Variants in DCUN1D4 observed in about 807,000 individuals in gnomAD.
The protein encoded by DCUN1D4 is DCN1-like protein 4.
Under a neutral mutation model 47.9 loss-of-function variants are expected in DCUN1D4, and 22 were observed. That is an observed-to-expected ratio of 0.46 (90% CI 0.33 to 0.66). The LOEUF (loss-of-function observed/expected upper bound fraction) is 0.66. DCUN1D4 is among the 30% of genes least tolerant of loss of function. The probability of loss-of-function intolerance (pLI) is 0.02; values close to 1 mark genes in which losing one functional copy is unlikely to be tolerated. For synonymous variants in DCUN1D4, 121 were observed against 112.2 expected (o/e 1.08, Z -0.50); for missense variants, 301 against 340.8 (o/e 0.88, Z 0.92).
rs1293077270 is a variant in DCUN1D4, at chr4:51,913,540, T to C, written c.835T>C (p.Leu279=). 8 of 1,612,830 alleles carry C rather than the reference T, an allele frequency of 5.0e-6. No individual in the cohort carries two copies. The Admixed American group carries it at 1.3e-4, about 27-fold the overall frequency. ...YDEDGAWPVL[L]DEFVEWYKDK... ...CTCTTTCTCTCCAGGGCCAGTTTTG[T>C]TGGACGAGTTTGTGGAGTGGTATAA... Residue 279 remains leucine (L), a synonymous_variant, in exon 11 of 11, where the codon TTG becomes CTG. Coordinates refer to ENST00000334635, the MANE Select transcript of DCUN1D4 (RefSeq NM_001040402.3).
chr4:51,905,643 C>T (rs931902637), intron 8 of DCUN1D4, among the ~76,000 whole-genome samples: 114 of 152,062 alleles, frequency 7.5e-4, no homozygotes, highest in Non-Finnish European at 1.8e-4. Flanking sequence ...TTTCATTGAT[C>T]TGAGACTAGT....
intron 3 of DCUN1D4, among the ~76,000 whole-genome samples, chr4:51,871,149 T>C (rs1475989818): frequency 6.9e-6 from 1 of 144,112 alleles, no homozygotes; most frequent in African/African-American, 2.6e-5. Context: ...AAAAAAAAAG[T>C]CATGCCTCTT....
At chr4:51,877,277 A>G (rs1727859088) in intron 4 of DCUN1D4, among the ~76,000 whole-genome samples, 1 of 152,134 alleles carries the variant, frequency 6.6e-6, no homozygotes, top group Non-Finnish European at 1.5e-5. Context: ...AAGCTTGGAC[A>G]TGATTTGATG....
chr4:51,891,574 A>G (rs1438054941), intron 6 of DCUN1D4, among the ~76,000 whole-genome samples, 186 bp from the exon 7 acceptor site: 1 of 152,178 alleles, frequency 6.6e-6, no homozygotes, highest in Admixed American at 6.5e-5. Context: ...TATATTGTCA[A>G]CTTTTTTAGA....
chr4:51,877,795 A>G lies in DCUN1D4; in HGVS notation c.284A>G (p.Lys95Arg), dbSNP rs747091715. 1.4e-5 allele frequency: 22 copies of G among 1,612,014 alleles called. 1 individual carries two copies. In the Middle Eastern group the frequency reaches 2.8e-3, roughly 206 times the overall value. The stretch of plus-strand genomic sequence containing the variant: ...AGAAAATATGATTCGACTAGAATAA[A>G]GACTGAAGAAGAAGCCTTTTCAAGT... ...MYRKYDSTRI[K>R]TEEEAFSSKR... Residue 95 changes from lysine to arginine, a missense_variant, in exon 5 of 11, where the codon AAG becomes AGG. This residue lies in a region of DCUN1D4 where 170 missense variants were observed against 234.5 expected (regional missense o/e 0.73). Transcript: ENST00000334635.
At chr4:51,871,562 G>C (rs536536927) in intron 3 of DCUN1D4, among the ~76,000 whole-genome samples, 1 of 152,290 alleles carries the variant, frequency 6.6e-6, no homozygotes, top group East Asian at 1.9e-4. Context: ...GGAAGGGGAG[G>C]GGTTACTGCT....
intron 7 of DCUN1D4, among the ~76,000 whole-genome samples, chr4:51,897,307 G>A (rs1406190551): frequency 6.6e-6 from 1 of 152,192 alleles, no homozygotes; most frequent in African/African-American, 2.4e-5. Flanking sequence ...GAGATCATAA[G>A]GACTTATTTG....
Position 51,913,676 on chromosome 4 carries a change from T to A in DCUN1D4, c.*92T>A, listed in dbSNP as rs1734030981. 1 of 1,166,324 alleles carries A rather than the reference T, an allele frequency of 8.6e-7. No homozygotes were observed. Among genetic ancestry groups the A allele is most frequent in the South Asian group, 1.3e-5 (1 of 76,622 alleles). The allele number at this position is 1,166,324 out of a possible 1,614,324, so 72.2% of individuals were successfully genotyped here. ...CTGTTTGTATCAAAGCGCATGCTGCTTCTCTTGCACTGTTTCCCTTTCGCA... is the reference window on the plus strand; with the variant it reads ...CTGTTTGTATCAAAGCGCATGCTGCATCTCTTGCACTGTTTCCCTTTCGCA... On this transcript the variant is annotated 3_prime_UTR_variant, in exon 11 of 11. Transcript: ENST00000334635.
At position 51,843,182 on chromosome 4, in the gene DCUN1D4, G is replaced by A. The variant is rs947376098; in HGVS notation, c.-61G>A. 17 of 1,534,462 alleles carry A rather than the reference G, an allele frequency of 1.1e-5. 1 individual carries two copies. In the Admixed American group the frequency reaches 1.4e-4, roughly 13 times the overall value. ...TCGAGCCGAGGTGCAGTGAGCTGGT[G>A]GGGGGACCGCGAGGCGAGCGCGGGA... On this transcript the variant is annotated 5_prime_UTR_variant, in exon 1 of 11. Coordinates refer to ENST00000334635, the MANE Select transcript of DCUN1D4 (RefSeq NM_001040402.3).
At chr4:51,874,425 A>C (rs568440632) in intron 4 of DCUN1D4, 40 bp downstream of exon 4, 17 of 1,448,362 alleles carry the variant, frequency 1.2e-5, no homozygotes, top group Non-Finnish European at 1.6e-5. Context: ...AGTGATACAT[A>C]TGTCGAAGAT....
chr4:51,835,948 C>G, the DCUN1D4 span, among the ~76,000 whole-genome samples: 1 of 152,092 alleles, frequency 6.6e-6, no homozygotes, highest in African/African-American at 2.4e-5. Context: ...AAATACTGGC[C>G]CCCCAAGCCA....
intron 3 of DCUN1D4, among the ~76,000 whole-genome samples, chr4:51,869,193 G>A (rs577889389): frequency 6.8e-6 from 1 of 147,584 alleles, no homozygotes; most frequent in African/African-American, 2.6e-5. Context: ...AAAATGAGTA[G>A]GGATGATGAT....
intron 1 of DCUN1D4, chr4:51,843,727 T>C: frequency 2.6e-6 from 3 of 1,159,430 alleles, no homozygotes; most frequent in Non-Finnish European, 1.1e-6. Flanking sequence ...TGCGGGCGGC[T>C]CCGTGAGAAA....
At chr4:51,842,289 CCGCAGCTCAGAG>C (rs1721730821), upstream of DCUN1D4, among the ~76,000 whole-genome samples, 1 of 152,134 alleles carries the variant, frequency 6.6e-6, no homozygotes, top group Non-Finnish European at 1.5e-5. Context: ...TAGGCTCAGT[CCGCAGCTCAGAG>C]CGCGGCCCTG....
chr4:51,842,882 A>G, upstream of DCUN1D4: 2 of 325,272 alleles, frequency 6.1e-6, no homozygotes, highest in Non-Finnish European at 1.1e-5. Context: ...TCGCCCCTAC[A>G]CGCGCTCTCG....
At chr4:51,838,796 C>T (rs547788932), upstream of DCUN1D4, among the ~76,000 whole-genome samples, 32 of 152,258 alleles carry the variant, frequency 2.1e-4, no homozygotes, top group African/African-American at 6.5e-4. Flanking sequence ...AAGGAACTGG[C>T]CAGGTGCGGT....
intron 1 of DCUN1D4, among the ~76,000 whole-genome samples, chr4:51,847,467 A>G (rs1722724973): frequency 6.6e-6 from 1 of 152,114 alleles, no homozygotes; most frequent in Non-Finnish European, 1.5e-5. Flanking sequence ...AATCCTGGAC[A>G]TTTCTTATCC....
intron 5 of DCUN1D4, among the ~76,000 whole-genome samples, chr4:51,881,852 G>A (rs1467122304): frequency 6.6e-6 from 1 of 152,034 alleles, no homozygotes; most frequent in African/African-American, 2.4e-5. Flanking sequence ...AGATTTAAAT[G>A]TGTGCATGGG....
chr4:51,838,815 C>A (rs11722990), upstream of DCUN1D4, among the ~76,000 whole-genome samples: 24,598 of 152,182 alleles, frequency 0.16, 2,647 homozygotes, highest in Middle Eastern at 0.26. Flanking sequence ...GTGGCTCATG[C>A]CTGTAATCTC....
Sources: allele counts gnomAD v4.1 joint callset (sites outside exome capture counted in the v4.1 genomes callset), GRCh38; gene constraint gnomAD v4.1.1; regional missense constraint gnomAD v4.1.1; transcripts MANE v1.5; gene names NCBI Gene and HGNC (gene_info 2026-07-23, HGNC 2026-07-21).